Variants in DISC1 observed in about 807,000 individuals in gnomAD.
DISC1 encodes DISC1 scaffold protein.
Under a neutral mutation model 84.5 loss-of-function variants are expected in DISC1, and 57 were observed. That is an observed-to-expected ratio of 0.67 (90% CI 0.55 to 0.84). The LOEUF is 0.84. Ranked by LOEUF, DISC1 falls within the 40% of genes least tolerant of loss-of-function variation. DISC1 has a pLI of 0.00. For missense variants in DISC1, 1,000 were observed against 1,057.8 expected, an observed-to-expected ratio of 0.95 and a Z score of 0.76; for synonymous variants, 411 against 415.2, an observed-to-expected ratio of 0.99 and a Z score of 0.12.
intron 9 of DISC1, among the ~76,000 whole-genome samples, chr1:231,951,574 G>T (rs1367025847): frequency 6.6e-6 from 1 of 152,114 alleles, no homozygotes; most frequent in African/African-American, 2.4e-5. Flanking sequence ...CCCTCAAGCT[G>T]GGCCAAATCT....
chr1:231,949,017 G>A (rs185191848), intron 9 of DISC1, among the ~76,000 whole-genome samples: 37 of 151,866 alleles, frequency 2.4e-4, no homozygotes, highest in African/African-American at 7.0e-4. Flanking sequence ...TTACAGGTGC[G>A]TGCCACCACG....
At chr1:231,914,927 C>T (rs1465971086) in intron 9 of DISC1, among the ~76,000 whole-genome samples, 1 of 152,210 alleles carries the variant, frequency 6.6e-6, no homozygotes, top group African/African-American at 2.4e-5. Flanking sequence ...AGGAGCCTAG[C>T]TTGGCTGCAG....
At chr1:231,778,092 G>A (rs1166435671) in intron 6 of DISC1, among the ~76,000 whole-genome samples, 1 of 152,212 alleles carries the variant, frequency 6.6e-6, no homozygotes, top group Non-Finnish European at 1.5e-5. Context: ...CCAGGCCAGG[G>A]ATGGTTGTCT....
intron 5 of DISC1, among the ~76,000 whole-genome samples, chr1:231,769,366 A>G (rs1407398694): frequency 2.0e-5 from 3 of 152,230 alleles, no homozygotes; most frequent in African/African-American, 7.2e-5. Flanking sequence ...GGTGATAACA[A>G]CTCAAGTGCT....
rs2087755226 is a variant in DISC1 at position 231,897,117 on chromosome 1, T to C, written c.1982-61711T>C. Among the ~76,000 whole-genome samples, 1 of 152,118 alleles carries C rather than the reference T, an allele frequency of 6.6e-6. No homozygotes were observed. Among genetic ancestry groups the C allele is most frequent in the African/African-American group, 2.4e-5 (1 of 41,412 alleles). On this transcript the variant is annotated intron_variant, in intron 9 of 12. Transcript: ENST00000439617. The surrounding 1 kb of genome is among the most constrained non-coding windows in gnomAD (Gnocchi z 4.5). ...ATTCAGTTTGCCTGGCAGGGCATGG[T>C]AAGACTTCAGAAAGGAAGTGACATT...
At chr1:231,678,814 C>T (rs1419096237) in intron 1 of DISC1, among the ~76,000 whole-genome samples, 2 of 151,878 alleles carry the variant, frequency 1.3e-5, no homozygotes, top group Non-Finnish European at 1.5e-5. Flanking sequence ...TACAGGCGCC[C>T]GCCACCACGC....
At chr1:231,869,288 G>A (rs966740314) in intron 9 of DISC1, among the ~76,000 whole-genome samples, 11 of 152,126 alleles carry the variant, frequency 7.2e-5, no homozygotes, top group African/African-American at 2.7e-4. Flanking sequence ...CTTAACTCAG[G>A]AACAGACTTG....
chr1:231,868,945 G>T (rs9432019), intron 9 of DISC1, among the ~76,000 whole-genome samples: 80,539 of 149,970 alleles, frequency 0.54, 22,640 homozygotes, highest in South Asian at 0.64. Context: ...GAGCAATGGG[G>T]AAATGCAATC....
chr1:231,648,368 T>C (rs929947449), intron 1 of DISC1, among the ~76,000 whole-genome samples: 4 of 152,248 alleles, frequency 2.6e-5, no homozygotes, highest in African/African-American at 9.6e-5. Context: ...GTTTATTGAC[T>C]TGCATATGTT....
At chr1:232,028,842 C>G (rs998479498) in intron 12 of DISC1, among the ~76,000 whole-genome samples, 3 of 152,170 alleles carry the variant, frequency 2.0e-5, no homozygotes, top group Non-Finnish European at 4.4e-5. Context: ...CAATCAGTAA[C>G]TCCACAGTGG....
intron 11 of DISC1, among the ~76,000 whole-genome samples, chr1:232,026,117 T>C (rs1220261303): frequency 6.6e-6 from 1 of 152,172 alleles, no homozygotes; most frequent in African/African-American, 2.4e-5. Context: ...ATTTTGAATT[T>C]GCCCATTGAT....
intron 10 of DISC1, among the ~76,000 whole-genome samples, chr1:232,002,435 G>A (rs1666808155): frequency 6.6e-6 from 1 of 152,132 alleles, no homozygotes; most frequent in South Asian, 2.1e-4. Context: ...GATGTTCATA[G>A]CATCTTTTAT....
Position 231,847,365 on chromosome 1 carries a change from A to T in DISC1, c.1981+28848A>T, listed in dbSNP as rs1457192772. ...CCAAAAAGTCACATTCTGAAGTACCAGGGATTAGGGATTCAACATATAAGT... is the reference window on the plus strand; with the variant it reads ...CCAAAAAGTCACATTCTGAAGTACCTGGGATTAGGGATTCAACATATAAGT... On this transcript the variant is annotated intron_variant, in intron 9 of 12. Transcript: ENST00000439617. Among the ~76,000 whole-genome samples, 3 of 152,180 alleles carry T rather than the reference A, an allele frequency of 2.0e-5. No individual in the cohort carries two copies. In the East Asian group the frequency reaches 5.8e-4, roughly 29 times the overall value.
At chr1:231,829,477 A>G (rs1192786981) in intron 9 of DISC1, among the ~76,000 whole-genome samples, 2 of 151,884 alleles carry the variant, frequency 1.3e-5, no homozygotes, top group Non-Finnish European at 2.9e-5. Flanking sequence ...CAATCCTCCC[A>G]TCTCAGTCTT....
At chr1:231,967,650 C>A (rs1661299942) in intron 10 of DISC1, among the ~76,000 whole-genome samples, 1 of 152,092 alleles carries the variant, frequency 6.6e-6, no homozygotes, top group African/African-American at 2.4e-5. Context: ...ACTATTTTGA[C>A]CAATTTTACA....
At chr1:231,997,680 G>C (rs998052864) in intron 10 of DISC1, among the ~76,000 whole-genome samples, 34 of 152,020 alleles carry the variant, frequency 2.2e-4, no homozygotes, top group African/African-American at 8.0e-4. Flanking sequence ...CATCCTCCCT[G>C]TTCCCCAAGG....
chr1:231,946,390 G>C (rs1310396204), intron 9 of DISC1, among the ~76,000 whole-genome samples: 1 of 152,044 alleles, frequency 6.6e-6, no homozygotes, highest in Non-Finnish European at 1.5e-5. Context: ...GTGCAGAAAA[G>C]GCCTTCGACA....
intron 8 of DISC1, among the ~76,000 whole-genome samples, chr1:231,809,356 T>C (rs1363366675): frequency 6.6e-6 from 1 of 152,066 alleles, no homozygotes; most frequent in Non-Finnish European, 1.5e-5. Context: ...GACATCTGCC[T>C]GGTTCTTAGA....
intron 10 of DISC1, among the ~76,000 whole-genome samples, chr1:231,995,209 A>C (rs1179454536): frequency 1.3e-5 from 2 of 152,158 alleles, no homozygotes; most frequent in Non-Finnish European, 2.9e-5. Context: ...GCCTACAGAC[A>C]CATGAGGACT....
Sources: allele counts gnomAD v4.1 joint callset (sites outside exome capture counted in the v4.1 genomes callset), GRCh38; gene constraint gnomAD v4.1.1; non-coding constraint Gnocchi (gnomAD v3.1); transcripts MANE v1.5; gene names NCBI Gene and HGNC (gene_info 2026-07-23, HGNC 2026-07-21).